GRK3: variants seen among roughly 807,000 people sequenced by gnomAD.
The protein encoded by GRK3 is G protein-coupled receptor kinase 3, also known as adrenergic, beta, receptor kinase 2.
Under a neutral mutation model 95.7 loss-of-function variants are expected in GRK3, and 54 were observed. The ratio of observed to expected loss-of-function variants is 0.56; its 90% confidence interval spans 0.45 to 0.71. The LOEUF is 0.71. Among genes scored for constraint, GRK3 ranks in the 30% least tolerant of loss-of-function variants. The pLI, the probability that GRK3 is intolerant of heterozygous loss-of-function variation, is 0.00. For synonymous variants in GRK3, 281 were observed against 290.8 expected (o/e 0.97, Z 0.34); for missense variants, 649 against 851.2 (o/e 0.76, Z 2.96).
At chr22:25,569,155 C>T (rs574179328) in intron 1 of GRK3, among the ~76,000 whole-genome samples, 2 of 152,312 alleles carry the variant, frequency 1.3e-5, no homozygotes, top group South Asian at 4.1e-4. Context: ...CTGAAAAGTC[C>T]ACGTTGAAAG....
intron 5 of GRK3, among the ~76,000 whole-genome samples, chr22:25,666,373 G>A (rs1371895629): frequency 6.6e-6 from 1 of 152,170 alleles, no homozygotes; most frequent in African/African-American, 2.4e-5. Flanking sequence ...AACCTCTTGA[G>A]ACTTGTCGAG....
intron 1 of GRK3, among the ~76,000 whole-genome samples, chr22:25,566,220 C>T (rs1321969785): frequency 6.6e-6 from 1 of 152,096 alleles, no homozygotes; most frequent in African/African-American, 2.4e-5. Context: ...GGAATTGATG[C>T]TCAAAAGAGG....
At chr22:25,595,511 A>G (rs2084366567) in intron 1 of GRK3, among the ~76,000 whole-genome samples, 2 of 152,244 alleles carry the variant, frequency 1.3e-5, no homozygotes. Context: ...CATGCAAGAT[A>G]TTAAAAATAC....
Position 25,714,331 on chromosome 22 carries a change from C to T in GRK3, c.1492-77C>T. The T allele has an allele frequency of 1.3e-5, 16 of 1,272,042 alleles. No individual in the cohort carries two copies. The South Asian group carries it at 2.4e-4, about 19-fold the overall frequency. 78.8% of individuals were successfully genotyped at this position (1,272,042 alleles called of 1,614,324 possible). A position where few individuals can be genotyped will look rare whatever the true frequency, so the allele number is the denominator to read the frequency against. On this transcript the variant is annotated intron_variant, in intron 17 of 20. Coordinates refer to ENST00000324198, the MANE Select transcript of GRK3 (RefSeq NM_005160.4). ...CTATATAGAGTTATGATAGAGTCACCATGGATGTGGCGCCGCGGACTCTTA... is the reference window on the plus strand; with the variant it reads ...CTATATAGAGTTATGATAGAGTCACTATGGATGTGGCGCCGCGGACTCTTA...
intron 11 of GRK3, among the ~76,000 whole-genome samples, chr22:25,689,565 A>G (rs1407140036): frequency 1.3e-5 from 2 of 152,226 alleles, no homozygotes; most frequent in African/African-American, 4.8e-5. Context: ...TTTCATGATT[A>G]TGATGACTAA....
intron 2 of GRK3, among the ~76,000 whole-genome samples, chr22:25,634,194 ACTAATATTAGGGAAAC>A (rs1375193773): frequency 6.6e-6 from 1 of 152,216 alleles, no homozygotes; most frequent in Non-Finnish European, 1.5e-5. Flanking sequence ...GAAAAAATGT[ACTAATATTAGGGAAAC>A]CTAACACCTG....
intron 1 of GRK3, among the ~76,000 whole-genome samples, chr22:25,585,073 G>A (rs1222350630): frequency 6.6e-6 from 1 of 152,282 alleles, no homozygotes; most frequent in Non-Finnish European, 1.5e-5. Context: ...GACTAGGGAG[G>A]GGACTGGGTT....
chr22:25,677,026 G>A (rs959442816), intron 8 of GRK3, among the ~76,000 whole-genome samples: 1 of 152,106 alleles, frequency 6.6e-6, no homozygotes, highest in African/African-American at 2.4e-5. Context: ...CCAGAGGCCC[G>A]AGGCCTGTGT....
At chr22:25,711,205 T>C in intron 17 of GRK3, 42 bp downstream of exon 17, 2 of 1,380,156 alleles carry the variant, frequency 1.4e-6, no homozygotes, top group Non-Finnish European at 2.0e-6. Context: ...TATTTTTGGA[T>C]GGGATGATTT....
intron 14 of GRK3, among the ~76,000 whole-genome samples, chr22:25,703,806 A>G (rs1173465704): frequency 6.6e-6 from 1 of 152,230 alleles, no homozygotes; most frequent in East Asian, 1.9e-4. Context: ...AGGATTTACT[A>G]ACGAACAGTA....
At chr22:25,586,557 G>A (rs1232516095) in intron 1 of GRK3, among the ~76,000 whole-genome samples, 1 of 152,290 alleles carries the variant, frequency 6.6e-6, no homozygotes, top group African/African-American at 2.4e-5. Flanking sequence ...TGTGGGAAAT[G>A]ATATAGCAGT....
intron 20 of GRK3, 148 bp from the exon 21 acceptor site, chr22:25,722,141 C>A: frequency 3.7e-6 from 3 of 806,528 alleles, no homozygotes; most frequent in Non-Finnish European, 6.0e-6. Context: ...GCAGCGTGAC[C>A]CATCAGCTAG....
intron 1 of GRK3, among the ~76,000 whole-genome samples, chr22:25,602,911 C>T (rs1255205946): frequency 1.3e-5 from 2 of 152,118 alleles, no homozygotes; most frequent in Non-Finnish European, 2.9e-5. Context: ...GCACATTTAA[C>T]AATATACTTT....
chr22:25,577,233 T>G (rs1261483606), intron 1 of GRK3, among the ~76,000 whole-genome samples: 2 of 151,818 alleles, frequency 1.3e-5, no homozygotes, highest in Non-Finnish European at 2.9e-5. Flanking sequence ...AGTGCAGCGG[T>G]GTGATCTCGG....
intron 2 of GRK3, among the ~76,000 whole-genome samples, chr22:25,626,760 C>T (rs1000335461): frequency 2.6e-5 from 4 of 152,190 alleles, no homozygotes; most frequent in African/African-American, 7.2e-5. Context: ...CTGGTCGGGG[C>T]GGCATAGCAC....
chr22:25,595,700 C>T (rs2084367861), intron 1 of GRK3, among the ~76,000 whole-genome samples: 1 of 152,034 alleles, frequency 6.6e-6, no homozygotes, highest in Non-Finnish European at 1.5e-5. Context: ...TAATTCCAGC[C>T]ACTTGGGAGG....
At chr22:25,653,748 T>C (rs1282348267) in intron 3 of GRK3, among the ~76,000 whole-genome samples, 1 of 152,202 alleles carries the variant, frequency 6.6e-6, no homozygotes, top group East Asian at 1.9e-4. Context: ...GGCAATGCAG[T>C]GACATGATCT....
intron 2 of GRK3, among the ~76,000 whole-genome samples, chr22:25,643,159 C>G (rs991961591): frequency 8.5e-5 from 13 of 152,198 alleles, no homozygotes; most frequent in African/African-American, 3.1e-4. Flanking sequence ...AACATACGAA[C>G]AGATAGAGAT....
Position 25,565,145 on chromosome 22 carries a change from G to C in GRK3, c.105G>C (p.Pro35=), listed in dbSNP as rs755120652. The C allele has an allele frequency of 3.9e-6, 6 of 1,520,866 alleles. No individual in the cohort carries two copies. Among genetic ancestry groups the C allele is most frequent in the Non-Finnish European group, 5.3e-6 (6 of 1,135,970 alleles). 94.2% of individuals were successfully genotyped at this position (1,520,866 alleles called of 1,614,324 possible). Residue 35 remains proline (P), a synonymous_variant, in exon 1 of 21, where the codon CCG becomes CCC. Coordinates refer to ENST00000324198, the MANE Select transcript of GRK3 (RefSeq NM_005160.4). ...AARASKRIVL[P]EPSIRSVMQK... is the part of the protein sequence containing the mutation. ...GCGCCAGCAAGAGGATCGTCCTGCC[G>C]GAGCCCAGGTACCAGCTGCCCCGGC...
Sources: gnomAD v4.1 joint callset for allele counts (sites outside exome capture counted in the v4.1 genomes callset) on GRCh38, gnomAD v4.1.1 for gene constraint, MANE v1.5 for transcripts, NCBI Gene and HGNC (gene_info 2026-07-23, HGNC 2026-07-21) for gene names.